DARS1: variants seen among roughly 807,000 people sequenced by gnomAD.
The protein encoded by DARS1 is aspartyl-tRNA synthetase 1, also known as aspartate--tRNA ligase, cytoplasmic.
A neutral mutation model predicts 68.8 loss-of-function variants in DARS1; 51 were observed. That is an observed-to-expected ratio of 0.74 (90% CI 0.59 to 0.94). DARS1 has a LOEUF of 0.94. Ranked by LOEUF, DARS1 falls within the 40% of genes least tolerant of loss-of-function variation. The probability of loss-of-function intolerance (pLI) is 0.00; values close to 1 mark genes in which losing one functional copy is unlikely to be tolerated. For synonymous variants in DARS1, 203 were observed against 190.4 expected, an observed-to-expected ratio of 1.07 and a Z score of -0.55; for missense variants, 607 against 597.3, an observed-to-expected ratio of 1.02 and a Z score of -0.17.
In DARS1 at chr2:135,906,120, T is replaced by C. The variant is rs1471132554; in HGVS notation, c.*1196A>G. Among the ~76,000 whole-genome samples, 4 of 152,180 alleles carry C rather than the reference T, an allele frequency of 2.6e-5. No homozygotes were observed. Among genetic ancestry groups the C allele is most frequent in the Admixed American group, 2.0e-4 (3 of 15,278 alleles). The stretch of plus-strand genomic sequence containing the variant: ...ACTGAATCTAAACTTTCAAAGACTG[T>C]ACAATATAGATGGTAAACACCCCCT... On this transcript the variant is annotated 3_prime_UTR_variant, in exon 16 of 16. Transcript: ENST00000264161.
At position 135,932,821 on chromosome 2, in the gene DARS1, G is replaced by T; in HGVS notation, c.526C>A (p.Gln176Lys). Reference sequence around the variant, plus strand: ...ACTCTGTTGTCTAATCTTGTATCCTGGTTAACAGTAGCTCTTCCTTCCTAA... The same window carrying T: ...ACTCTGTTGTCTAATCTTGTATCCTTGTTAACAGTAGCTCTTCCTTCCTAA... ...GEEEGRATVNQDTRLDNRVID... is the reference protein window; with the variant it reads ...GEEEGRATVNKDTRLDNRVID... The change falls in exon 7 of 16, where the codon CAG (glutamine) becomes AAG (lysine). Residue 176 changes from glutamine (Q) to lysine (K), a missense_variant. Transcript: ENST00000264161. 1.5e-6 allele frequency: 2 copies of T among 1,342,336 alleles called. No individual in the cohort carries two copies. The highest frequency in any genetic ancestry group is 2.1e-6 in the Non-Finnish European group (2 of 946,854). The allele number at this position is 1,342,336 out of a possible 1,614,324, so 83.2% of individuals were successfully genotyped here.
chr2:135,940,158 T>C (rs1235790366), intron 5 of DARS1, among the ~76,000 whole-genome samples: 1 of 152,224 alleles, frequency 6.6e-6, no homozygotes, highest in African/African-American at 2.4e-5. Context: ...ACTCATTTTA[T>C]GAGGTCAGCA....
intron 4 of DARS1, among the ~76,000 whole-genome samples, chr2:135,944,190 A>T (rs1681668179): frequency 6.6e-6 from 1 of 152,168 alleles, no homozygotes; most frequent in East Asian, 1.9e-4. Flanking sequence ...CACAATGATT[A>T]TTTTTTTAAT....
chr2:135,913,403 A>G (rs1680937603), intron 12 of DARS1, among the ~76,000 whole-genome samples: 1 of 152,160 alleles, frequency 6.6e-6, no homozygotes, highest in South Asian at 2.1e-4. Context: ...TTAACTTGAA[A>G]TTATGACTTT....
In DARS1 at chr2:135,922,927, TA is replaced by T; in HGVS notation, c.677-10del. 6.5e-7 allele frequency: 1 copy of T among 1,534,666 alleles called. No individual in the cohort carries two copies. The highest frequency in any genetic ancestry group is 1.3e-5 in the South Asian group (1 of 75,458). ...TCCTCCTTCACTGGCAGCTGAAAGG[TA>T]AACATTTATATTTATATTATTATAA... is the stretch of plus-strand genomic sequence containing the variant. On this transcript the variant is annotated splice_polypyrimidine_tract_variant and intron_variant, in intron 8 of 15. Transcript: ENST00000264161.
intron 5 of DARS1, among the ~76,000 whole-genome samples, chr2:135,940,736 G>A (rs1295119952): frequency 6.6e-6 from 1 of 152,144 alleles, no homozygotes; most frequent in Non-Finnish European, 1.5e-5. Context: ...GTTTGCAGAT[G>A]ACATGATTGT....
In DARS1 at chr2:135,922,925, G is replaced by T; in HGVS notation, c.677-7C>A. ...GCTCCTCCTTCACTGGCAGCTGAAA[G>T]GTAAACATTTATATTTATATTATTA... On this transcript the variant is annotated splice_region_variant and splice_polypyrimidine_tract_variant and intron_variant, in intron 8 of 15. Transcript: ENST00000264161. The T allele has an allele frequency of 6.5e-7, 1 of 1,536,414 alleles. No individual in the cohort carries two copies. The highest frequency in any genetic ancestry group is 8.7e-7 in the Non-Finnish European group (1 of 1,147,740).
chr2:135,968,608 A>G (rs1194463052), intron 3 of DARS1, among the ~76,000 whole-genome samples: 2 of 150,774 alleles, frequency 1.3e-5, no homozygotes, highest in Non-Finnish European at 2.9e-5. Context: ...TCATGACCCA[A>G]TCACCTCTTA....
intron 3 of DARS1, among the ~76,000 whole-genome samples, chr2:135,975,945 C>A (rs992040625): frequency 1.3e-5 from 2 of 151,934 alleles, no homozygotes; most frequent in Non-Finnish European, 2.9e-5. Context: ...CAAGACTCCA[C>A]CTCAAACAAA....
intron 3 of DARS1, among the ~76,000 whole-genome samples, chr2:135,975,160 T>C (rs772071834): frequency 4.0e-5 from 6 of 151,292 alleles, no homozygotes; most frequent in African/African-American, 1.5e-4. Context: ...CTGGCTAACA[T>C]AGTGAAACCC....
intron 6 of DARS1, 37 bp downstream of exon 6, chr2:135,933,873 C>G (rs775368631): frequency 6.3e-7 from 1 of 1,593,152 alleles, no homozygotes; most frequent in Admixed American, 1.7e-5. Context: ...ACTAAATATA[C>G]AGCGGAAGCA....
intron 3 of DARS1, 74 bp downstream of exon 3, chr2:135,979,200 G>C: frequency 2.6e-6 from 2 of 780,334 alleles, no homozygotes; most frequent in South Asian, 1.5e-5. Flanking sequence ...ATTTACTTTG[G>C]TCTGTGAGGA....
In DARS1 at chr2:135,907,242, CTTTTTTTT is replaced by C. The variant is rs992435404; in HGVS notation, c.*66_*73del. ...TACTGAAAAGAATAAGTGTGGCTTTCTTTTTTTTTTTTTTTTTTTGAGGCAGGGTCTCG... is the reference window on the plus strand; with the variant it reads ...TACTGAAAAGAATAAGTGTGGCTTTCTTTTTTTTTTTGAGGCAGGGTCTCG... On this transcript the variant is annotated 3_prime_UTR_variant, in exon 16 of 16. Transcript: ENST00000264161. 9 of 453,670 alleles carry C rather than the reference CTTTTTTTT, an allele frequency of 2.0e-5. No homozygotes were observed. The highest frequency in any genetic ancestry group is 5.0e-5 in the East Asian group (1 of 20,162). 28.1% of individuals were successfully genotyped at this position (453,670 alleles called of 1,614,324 possible). A position where few individuals can be genotyped will look rare whatever the true frequency, so the allele number is the denominator to read the frequency against.
intron 4 of DARS1, among the ~76,000 whole-genome samples, chr2:135,958,090 A>G (rs1164126873): frequency 1.3e-5 from 2 of 152,196 alleles, no homozygotes; most frequent in Admixed American, 6.5e-5. Flanking sequence ...TAGAGTCAGG[A>G]TATTTCAGCT....
chr2:135,927,517 TA>T (rs1681245314), intron 7 of DARS1, among the ~76,000 whole-genome samples: 1 of 152,150 alleles, frequency 6.6e-6, no homozygotes, highest in South Asian at 2.1e-4. Flanking sequence ...CCTTAATGTT[TA>T]AATCTAAAAA....
chr2:135,964,347 A>C (rs1327527063), intron 3 of DARS1, among the ~76,000 whole-genome samples: 2 of 152,194 alleles, frequency 1.3e-5, no homozygotes, highest in Admixed American at 6.5e-5. Flanking sequence ...TAATCAGAAT[A>C]AAAATTTTTT....
At chr2:135,955,143 C>CAA (rs76946722) in intron 4 of DARS1, among the ~76,000 whole-genome samples, 10 of 109,590 alleles carry the variant, frequency 9.1e-5, no homozygotes, top group African/African-American at 1.3e-4. Context: ...TTACCACCAC[C>CAA]AAAAAAAAAA....
At chr2:135,950,412 T>A (rs6754311) in intron 4 of DARS1, among the ~76,000 whole-genome samples, 1 of 152,056 alleles carries the variant, frequency 6.6e-6, no homozygotes, top group East Asian at 1.9e-4. Context: ...GTTAGCTCGT[T>A]CACTAACTGA....
intron 10 of DARS1, among the ~76,000 whole-genome samples, chr2:135,917,586 C>T (rs1456193543): frequency 6.7e-6 from 1 of 149,248 alleles, no homozygotes; most frequent in Non-Finnish European, 1.5e-5. Context: ...ATCGATCCTC[C>T]CACCTGAAGC....
Sources: gnomAD v4.1 joint callset for allele counts (sites outside exome capture counted in the v4.1 genomes callset) on GRCh38, gnomAD v4.1.1 for gene constraint, MANE v1.5 for transcripts, NCBI Gene and HGNC (gene_info 2026-07-23, HGNC 2026-07-21) for gene names.